CD96: variants seen among roughly 807,000 people sequenced by gnomAD.
CD96 encodes T-cell surface protein tactile.
CD96 carries 70 observed loss-of-function variants against 71.3 expected under a neutral mutation model. The ratio of observed to expected loss-of-function variants is 0.98; its 90% CI spans 0.81 to 1.20. The LOEUF is 1.20. Among genes scored for constraint, CD96 ranks in the 50% most tolerant of loss-of-function variants. CD96 has a pLI of 0.00. For missense variants in CD96, 742 were observed against 677.5 expected, an observed-to-expected ratio of 1.10 and a Z score of -1.06; for synonymous variants, 248 against 233.0, an observed-to-expected ratio of 1.06 and a Z score of -0.59.
rs1207705090 is a variant in CD96 at position 111,651,678 on chromosome 3, C to G, written c.*1872C>G. On this transcript the variant is annotated 3_prime_UTR_variant, in exon 14 of 14. Coordinates refer to ENST00000352690, the MANE Select transcript of CD96 (RefSeq NM_005816.5). ...TGGGTGGATCACGAGGTCAGGAGAT[C>G]GAGACCATCCTGGCTAACACAGTGA... 2 of 151,946 alleles carry G rather than the reference C, an allele frequency of 1.3e-5. No homozygotes were observed. Among genetic ancestry groups the G allele is most frequent in the African/African-American group, 4.8e-5 (2 of 41,358 alleles). The allele number at this position is 151,946 out of a possible 1,614,324, so 9.4% of individuals were successfully genotyped here.
intron 5 of CD96, among the ~76,000 whole-genome samples, chr3:111,590,768 C>T (rs973297904): frequency 1.3e-5 from 2 of 152,084 alleles, no homozygotes; most frequent in Non-Finnish European, 2.9e-5. Flanking sequence ...AGCCAAAGAG[C>T]CCCTCAACTC....
intron 7 of CD96, among the ~76,000 whole-genome samples, chr3:111,602,263 C>T (rs1356548906): frequency 6.6e-6 from 1 of 152,146 alleles, no homozygotes; most frequent in Non-Finnish European, 1.5e-5. Flanking sequence ...TAGGTAGAAC[C>T]ATGTCTGTAA....
At chr3:111,574,951 CTT>C (rs11310598) in intron 3 of CD96, among the ~76,000 whole-genome samples, 109 of 145,574 alleles carry the variant, frequency 7.5e-4, no homozygotes, top group Admixed American at 8.2e-4. Context: ...ACCCAGCTAA[CTT>C]TTTTTTTTTT....
rs569264968 is a variant in CD96, at chr3:111,590,932, A to G, written c.807+5554A>G. The stretch of plus-strand genomic sequence containing the variant: ...CCCGTCATCTCCATGGGTCTTGTTC[A>G]TATCACTCGCTACCTTTGTTATGTT... On this transcript the variant is annotated intron_variant, in intron 5 of 13. Coordinates refer to ENST00000352690, the MANE Select transcript of CD96 (RefSeq NM_005816.5). 2.6e-5 allele frequency among the ~76,000 whole-genome samples: 4 copies of G among 152,308 alleles called. No individual in the cohort carries two copies. The South Asian group carries it at 8.3e-4, about 32-fold the overall frequency.
In CD96 at chr3:111,647,667, G is replaced by A; in HGVS notation, c.1601+1G>A. ...AATGGTGTCAGTACCAAAAAGAAAT[G>A]TGAGTATAATACTAACATATGTAGG... On this transcript the variant is annotated splice_donor_variant, in intron 13 of 13. Transcript: ENST00000352690. LOFTEE classifies it high-confidence loss of function. The A allele has an allele frequency of 2.5e-6, 4 of 1,601,634 alleles. No homozygotes were observed. The highest frequency in any genetic ancestry group is 2.6e-6 in the Non-Finnish European group (3 of 1,168,952).
intron 2 of CD96, among the ~76,000 whole-genome samples, chr3:111,556,798 G>T (rs1459453831): frequency 3.3e-5 from 5 of 151,952 alleles, no homozygotes; most frequent in East Asian, 1.9e-4. Context: ...CCATAATGGT[G>T]GAACTAGTTT....
At chr3:111,632,487 G>A (rs1459608149) in intron 10 of CD96, among the ~76,000 whole-genome samples, 1 of 152,192 alleles carries the variant, frequency 6.6e-6, no homozygotes, top group Non-Finnish European at 1.5e-5. Context: ...TGATGAGGGT[G>A]TGGAGAAAAA....
chr3:111,553,210 A>G (rs1034527813), intron 2 of CD96, among the ~76,000 whole-genome samples: 15 of 151,510 alleles, frequency 9.9e-5, no homozygotes, highest in Non-Finnish European at 1.8e-4. Context: ...AACTAGATAT[A>G]TTGTGATTAT....
intron 1 of CD96, among the ~76,000 whole-genome samples, chr3:111,543,973 C>T (rs912325085): frequency 6.6e-6 from 1 of 152,178 alleles, no homozygotes; most frequent in African/African-American, 2.4e-5. Context: ...GGGCATGAGT[C>T]TGCTGTGGGC....
chr3:111,616,296 AT>A (rs1332028336), intron 8 of CD96, among the ~76,000 whole-genome samples: 5 of 152,308 alleles, frequency 3.3e-5, no homozygotes, highest in South Asian at 2.1e-4. Context: ...TAAATGGAGA[AT>A]TTTTTTAAGT....
At chr3:111,576,785 A>G (rs991807506) in intron 3 of CD96, among the ~76,000 whole-genome samples, 1 of 152,230 alleles carries the variant, frequency 6.6e-6, no homozygotes, top group African/African-American at 2.4e-5. Context: ...AATAATGGTC[A>G]TAACATAATA....
chr3:111,574,711 G>A (rs1178138783), intron 3 of CD96, among the ~76,000 whole-genome samples: 2 of 151,576 alleles, frequency 1.3e-5, no homozygotes, highest in Non-Finnish European at 2.9e-5. Flanking sequence ...GTGTGTACAT[G>A]TTTGTTCTTC....
chr3:111,649,560 A>C, intron 13 of CD96, 138 bp from the exon 14 acceptor site: 1 of 723,990 alleles, frequency 1.4e-6, no homozygotes, highest in Admixed American at 1.9e-5. Context: ...GCCAGCAAAA[A>C]TGCTGAAAGA....
In CD96 at chr3:111,624,380, T is replaced by C. The variant is rs545825938; in HGVS notation, c.1297T>C (p.Ser433Pro). The C allele has an allele frequency of 3.9e-5, 63 of 1,610,534 alleles. No individual in the cohort carries two copies. In the East Asian group the frequency reaches 1.2e-3, roughly 32 times the overall value. ...TTRGFNYPWTSSGTDTKKSVS... is the reference protein window; with the variant it reads ...TTRGFNYPWTPSGTDTKKSVS... ...CCGAGGCTTCAACTATCCCTGGACC[T>C]CCAGTGGGACAGATACCAAAAAATG... The change falls in exon 10 of 14, where the codon TCC (serine) becomes CCC (proline). Residue 433 changes from serine (S) to proline (P), a missense_variant. Physicochemically the swap from Ser to Pro is moderately conservative, Grantham distance 74. Transcript: ENST00000352690.
At chr3:111,633,044 G>A (rs941735651) in intron 10 of CD96, among the ~76,000 whole-genome samples, 3 of 152,120 alleles carry the variant, frequency 2.0e-5, no homozygotes, top group South Asian at 4.1e-4. Context: ...AGCTTTTGAC[G>A]TACCTTCCTC....
intron 1 of CD96, among the ~76,000 whole-genome samples, chr3:111,544,418 C>T (rs999290540): frequency 2.6e-5 from 4 of 151,942 alleles, no homozygotes; most frequent in African/African-American, 7.3e-5. Context: ...GCTGGGATTA[C>T]AGGCGTGAGC....
intron 10 of CD96, among the ~76,000 whole-genome samples, chr3:111,636,658 G>C (rs1013902948): frequency 2.0e-5 from 3 of 152,176 alleles, no homozygotes; most frequent in African/African-American, 7.2e-5. Flanking sequence ...GCTTCAAAAG[G>C]ACTCACTCAG....
At position 111,567,600 on chromosome 3, in the gene CD96, A is replaced by G. The variant is rs1935779424; in HGVS notation, c.496A>G (p.Asn166Asp). Residue 166 changes from asparagine (N) to aspartate (D), a missense_variant, in exon 3 of 14, where the codon AAT becomes GAT. By Grantham distance (23) the Asn-to-Asp change is conservative. Coordinates refer to ENST00000352690, the MANE Select transcript of CD96 (RefSeq NM_005816.5). ...NQTLEIPCFQ[N>D]SSSKISSEFT... ...GACTCTGGAAATACCATGCTTTCAA[A>G]ATAGCTCCTCAAAAATTTCATCTGA... The G allele has an allele frequency of 1.2e-6, 2 of 1,612,542 alleles. No individual in the cohort carries two copies. Among genetic ancestry groups the G allele is most frequent in the Admixed American group, 1.7e-5 (1 of 60,008 alleles).
chr3:111,627,307 T>C (rs558478079), intron 10 of CD96, among the ~76,000 whole-genome samples: 5 of 152,260 alleles, frequency 3.3e-5, no homozygotes, highest in African/African-American at 1.2e-4. Flanking sequence ...CCTTCCAGCC[T>C]GTAGGCACTG....
Sources: gnomAD v4.1 joint callset for allele counts (sites outside exome capture counted in the v4.1 genomes callset) on GRCh38, gnomAD v4.1.1 for gene constraint, MANE v1.5 for transcripts, NCBI Gene and HGNC (gene_info 2026-07-23, HGNC 2026-07-21) for gene names.